MALRD1: variants seen among roughly 807,000 people sequenced by gnomAD.
The protein encoded by MALRD1 is MAM and LDL-receptor class A domain-containing protein 1.
In MALRD1, 247 loss-of-function variants were observed where a neutral mutation model predicts 242.1. The ratio of observed to expected loss-of-function variants is 1.02; its 90% CI spans 0.92 to 1.13. The LOEUF is 1.13. Among genes scored for constraint, MALRD1 ranks in the 50% most tolerant of loss-of-function variants. The pLI, the probability that MALRD1 is intolerant of heterozygous loss-of-function variation, is 0.00. For missense variants in MALRD1, 2,989 were observed against 2,533.1 expected, an observed-to-expected ratio of 1.18 and a Z score of -3.86; for synonymous variants, 995 against 866.6, an observed-to-expected ratio of 1.15 and a Z score of -2.60.
At chr10:19,153,665 G>T (rs1268907542) in intron 11 of MALRD1, among the ~76,000 whole-genome samples, 2 of 151,580 alleles carry the variant, frequency 1.3e-5, no homozygotes, top group Admixed American at 6.6e-5. Context: ...CTCTAGCCTA[G>T]GTGACAGAGC....
intron 29 of MALRD1, among the ~76,000 whole-genome samples, chr10:19,469,101 G>A (rs1246429551): frequency 2.0e-5 from 3 of 152,022 alleles, no homozygotes; most frequent in Admixed American, 2.0e-4. Flanking sequence ...ATGGGGTCCT[G>A]GAAGCCATAC....
intron 14 of MALRD1, among the ~76,000 whole-genome samples, chr10:19,187,546 G>A (rs901905180): frequency 6.6e-6 from 1 of 152,170 alleles, no homozygotes; most frequent in African/African-American, 2.4e-5. Flanking sequence ...CAATGTGGCT[G>A]GAAGAGGTTG....
At chr10:19,248,978 AAT>A (rs1024135663) in intron 18 of MALRD1, among the ~76,000 whole-genome samples, 16 of 146,204 alleles carry the variant, frequency 1.1e-4, no homozygotes, top group South Asian at 6.3e-4. Flanking sequence ...TTGTAATATA[AAT>A]ATATGTTATA....
chr10:19,734,344 G>C lies in MALRD1; in HGVS notation c.*107G>C, dbSNP rs1293538237. 1.2e-6 allele frequency: 1 copy of C among 867,710 alleles called. No homozygotes were observed. The highest frequency in any genetic ancestry group is 1.7e-5 in the African/African-American group (1 of 58,254). The allele number at this position is 867,710 out of a possible 1,614,324, so 53.8% of individuals were successfully genotyped here. ...TACAATGGTAAAAAGAGAAAGGATTGTAAATGCCAGTGTAATTATAACATT... is the reference window on the plus strand; with the variant it reads ...TACAATGGTAAAAAGAGAAAGGATTCTAAATGCCAGTGTAATTATAACATT... On this transcript the variant is annotated 3_prime_UTR_variant, in exon 40 of 40. Transcript: ENST00000454679.
At position 19,719,223 on chromosome 10, in the gene MALRD1, C is replaced by CATACAT. The variant is rs1176551831; in HGVS notation, c.6315-11480_6315-11479insCATATA. ...ATATATATATATATACACATACATA[C>CATACAT]ATATATATATATATATATATATATA... On this transcript the variant is annotated intron_variant, in intron 38 of 39. Transcript: ENST00000454679. Among the ~76,000 whole-genome samples, 8 of 76,430 alleles carry CATACAT rather than the reference C, an allele frequency of 1.0e-4. No individual in the cohort carries two copies. In the South Asian group the frequency reaches 2.8e-3, roughly 27 times the overall value. The allele number at this position is 76,430 out of a possible 152,430, so 50.1% of individuals were successfully genotyped here.
intron 28 of MALRD1, among the ~76,000 whole-genome samples, chr10:19,409,284 T>C (rs1833170128): frequency 6.6e-6 from 1 of 152,104 alleles, no homozygotes; most frequent in East Asian, 1.9e-4. Flanking sequence ...ATGACCGAAT[T>C]CCTTCAGAAA....
chr10:19,649,646 T>G (rs1162437129), intron 36 of MALRD1, among the ~76,000 whole-genome samples: 2 of 152,142 alleles, frequency 1.3e-5, no homozygotes, highest in African/African-American at 4.8e-5. Flanking sequence ...GTCAGATGCA[T>G]AGTTTGCAAA....
At chr10:19,428,133 C>T (rs1833970911) in intron 28 of MALRD1, among the ~76,000 whole-genome samples, 1 of 151,736 alleles carries the variant, frequency 6.6e-6, no homozygotes, top group Non-Finnish European at 1.5e-5. Context: ...CTTAGTTTCT[C>T]CTTGGGGTGG....
chr10:19,503,058 A>C (rs1469093023), intron 31 of MALRD1, among the ~76,000 whole-genome samples: 1 of 152,194 alleles, frequency 6.6e-6, no homozygotes, highest in Non-Finnish European at 1.5e-5. Context: ...CAGATTTAAA[A>C]AAAAGCAGTA....
chr10:19,419,530 G>A (rs935409983), intron 28 of MALRD1, among the ~76,000 whole-genome samples: 4 of 152,038 alleles, frequency 2.6e-5, no homozygotes, highest in African/African-American at 9.7e-5. Flanking sequence ...TAGTTGGCCA[G>A]GCTGGTCTCA....
chr10:19,237,743 TTA>T lies in MALRD1; in HGVS notation c.2992-19934_2992-19933del, dbSNP rs532190653. 2.9e-3 allele frequency among the ~76,000 whole-genome samples: 310 copies of T among 106,016 alleles called. 3 individuals are homozygous for T. Among genetic ancestry groups the T allele is most frequent in the African/African-American group, 9.9e-3 (297 of 29,918 alleles). 69.6% of individuals were successfully genotyped at this position (106,016 alleles called of 152,430 possible). ...ATATAAATATATAATTATATATAAT[TTA>T]TATATAAAACCATAATTATATATAA... On this transcript the variant is annotated intron_variant, in intron 18 of 39. Coordinates refer to ENST00000454679, the MANE Select transcript of MALRD1 (RefSeq NM_001142308.3).
intron 35 of MALRD1, among the ~76,000 whole-genome samples, chr10:19,611,298 C>A (rs1415701359): frequency 6.6e-6 from 1 of 151,914 alleles, no homozygotes; most frequent in African/African-American, 2.4e-5. Context: ...ATCTTCCCAG[C>A]AAACTAGTAT....
At chr10:19,352,616 A>G (rs1012613082) in intron 26 of MALRD1, among the ~76,000 whole-genome samples, 2 of 152,130 alleles carry the variant, frequency 1.3e-5, no homozygotes, top group Non-Finnish European at 2.9e-5. Flanking sequence ...GCAAACATCT[A>G]TTCACTTCCA....
chr10:19,598,437 A>G (rs1468038437), intron 34 of MALRD1: 4 of 151,874 alleles, frequency 2.6e-5, no homozygotes, highest in Non-Finnish European at 5.9e-5. Context: ...CCAGAAAGTA[A>G]AAGGGAGAGA....
At chr10:19,586,785 C>G (rs1039627765) in intron 33 of MALRD1, among the ~76,000 whole-genome samples, 1 of 152,236 alleles carries the variant, frequency 6.6e-6, no homozygotes, top group East Asian at 1.9e-4. Flanking sequence ...CTTTGTTTAC[C>G]TAAGCAAGCC....
intron 36 of MALRD1, among the ~76,000 whole-genome samples, chr10:19,663,208 A>G (rs1000943011): frequency 1.3e-5 from 2 of 151,962 alleles, no homozygotes; most frequent in Admixed American, 6.6e-5. Flanking sequence ...TCCAGTGCCT[A>G]TTATTCCAGT....
At chr10:19,354,438 C>A (rs1161820913) in intron 26 of MALRD1, among the ~76,000 whole-genome samples, 1 of 151,994 alleles carries the variant, frequency 6.6e-6, no homozygotes, top group Non-Finnish European at 1.5e-5. Context: ...AATATTTAAA[C>A]ATTATGCAGT....
At chr10:19,188,550 C>CT (rs1564453666) in intron 14 of MALRD1, among the ~76,000 whole-genome samples, 4 of 151,606 alleles carry the variant, frequency 2.6e-5, no homozygotes, top group Non-Finnish European at 5.9e-5. Context: ...ACACTGTGAT[C>CT]TTTTTTTGTC....
intron 36 of MALRD1, among the ~76,000 whole-genome samples, chr10:19,619,252 G>C (rs1448332859): frequency 2.6e-5 from 4 of 151,974 alleles, no homozygotes; most frequent in African/African-American, 9.7e-5. Flanking sequence ...ATCCAACATA[G>C]GTGATGTTTT....
Sources: gnomAD v4.1 joint callset for allele counts (sites outside exome capture counted in the v4.1 genomes callset) on GRCh38, gnomAD v4.1.1 for gene constraint, MANE v1.5 for transcripts, NCBI Gene and HGNC (gene_info 2026-07-23, HGNC 2026-07-21) for gene names.